The following ESR2 variants were observed in gnomAD, a reference collection of about 807,000 sequenced individuals.
The protein encoded by ESR2 is estrogen receptor beta.
Under a neutral mutation model 49.6 loss-of-function variants are expected in ESR2, and 36 were observed. The ratio of observed to expected loss-of-function variants is 0.73; its 90% CI spans 0.56 to 0.96. The LOEUF (loss-of-function observed/expected upper bound fraction) is 0.96. Ranked by LOEUF, ESR2 falls within the 40% of genes least tolerant of loss-of-function variation. The probability of loss-of-function intolerance (pLI) is 0.00; values close to 1 mark genes in which losing one functional copy is unlikely to be tolerated. For missense variants in ESR2, 714 were observed against 693.0 expected (o/e 1.03, Z -0.34); for synonymous variants, 320 against 266.1 (o/e 1.20, Z -1.97).
chr14:64,230,865 T>TTATATATATATA lies in ESR2; in HGVS notation c.*2260_*2271dup, dbSNP rs10589699. ...AAGATCTACTCTCAAAAAAAAAAAATTATATATATATATATATATATATTT... is the reference window on the plus strand; with the variant it reads ...AAGATCTACTCTCAAAAAAAAAAAATTATATATATATATATATATATATATATATATATATTT... On this transcript the variant is annotated 3_prime_UTR_variant, in exon 9 of 9. Transcript: ENST00000341099. 3.3e-3 allele frequency: 416 copies of TTATATATATATA among 125,596 alleles called. 5 individuals carry two copies. Among genetic ancestry groups the TTATATATATATA allele is most frequent in the African/African-American group, 0.012 (396 of 31,738 alleles). 7.8% of individuals were successfully genotyped at this position (125,596 alleles called of 1,614,324 possible).
chr14:64,256,424 A>C (rs889252869), intron 6 of ESR2, among the ~76,000 whole-genome samples: 1 of 152,218 alleles, frequency 6.6e-6, no homozygotes, highest in Admixed American at 6.5e-5. Flanking sequence ...TATATAGTAC[A>C]TGCATTAGAA....
At chr14:64,252,178 T>C (rs964182946) in intron 6 of ESR2, among the ~76,000 whole-genome samples, 1 of 151,968 alleles carries the variant, frequency 6.6e-6, no homozygotes, top group African/African-American at 2.4e-5. Context: ...CCAGGCATGG[T>C]AGCATACACC....
chr14:64,233,053 AAG>A lies in ESR2; in HGVS notation c.*82_*83del. The A allele has an allele frequency of 3.3e-6, 5 of 1,533,978 alleles. No homozygotes were observed. Among genetic ancestry groups the A allele is most frequent in the Non-Finnish European group, 4.4e-6 (5 of 1,138,242 alleles). ...ACCAAATGAGGGACCACACAGCAGA[AAG>A]ATGAAGCCCAGGCTCCTGACACACT... On this transcript the variant is annotated 3_prime_UTR_variant, in exon 9 of 9. Transcript: ENST00000341099.
Position 64,228,861 on chromosome 14 carries a change from C to A in ESR2, c.*4276G>T, listed in dbSNP as rs2098724726. ...CAACAAAAATGGCACTACGATCATA[C>A]ATCACAGACAATGCACATCTTAAGA... is the stretch of plus-strand genomic sequence containing the variant. On this transcript the variant is annotated 3_prime_UTR_variant, in exon 9 of 9. Coordinates refer to ENST00000341099, the MANE Select transcript of ESR2 (RefSeq NM_001437.3). Among the ~76,000 whole-genome samples, 1 of 152,190 alleles carries A rather than the reference C, an allele frequency of 6.6e-6. No individual in the cohort carries two copies. The highest frequency in any genetic ancestry group is 1.5e-5 in the Non-Finnish European group (1 of 68,026).
upstream of ESR2, among the ~76,000 whole-genome samples, chr14:64,296,359 TAAC>T (rs1234284817): frequency 1.3e-5 from 2 of 152,214 alleles, no homozygotes; most frequent in South Asian, 2.1e-4. Flanking sequence ...AGGAACCCAG[TAAC>T]AACAGTGGCT....
intron 1 of ESR2, chr14:64,335,726 T>A (rs1177910891): frequency 6.6e-6 from 1 of 152,086 alleles, no homozygotes. Context: ...ATATCTTCCC[T>A]TTAACAACTG....
chr14:64,309,441 A>C (rs942072942), intron 1 of ESR2, among the ~76,000 whole-genome samples: 14 of 150,244 alleles, frequency 9.3e-5, no homozygotes, highest in Admixed American at 9.3e-4. Context: ...GTGAAACCCT[A>C]TCTCTACTAA....
At chr14:64,260,148 G>A (rs1168378105) in intron 5 of ESR2, 2 of 616,462 alleles carry the variant, frequency 3.2e-6, no homozygotes, top group Admixed American at 3.9e-5. Flanking sequence ...CTAGCCATGG[G>A]AAAAGAAGGC....
chr14:64,326,362 G>T (rs2077390091), intron 1 of ESR2, among the ~76,000 whole-genome samples: 1 of 152,078 alleles, frequency 6.6e-6, no homozygotes, highest in South Asian at 2.1e-4. Flanking sequence ...GGTCACAGTA[G>T]ATGATCGATC....
In ESR2 at chr14:64,260,745, G is replaced by T; in HGVS notation, c.656C>A (p.Ser219Tyr). The change falls in exon 5 of 9, where the codon TCC becomes TAC. Residue 219 changes from serine to tyrosine, a missense_variant. Ser to Tyr is a moderately radical substitution (Grantham distance 144). Transcript: ENST00000341099. ...GCGGTACCCACATCTCTCTCTCCGG[G>T]AGCCTGAAGAGGAAAGCAGAGTCAT... ...CYEVGMVKCGSRRERCGYRLV... is the reference protein window; with the variant it reads ...CYEVGMVKCGYRRERCGYRLV... 6.8e-7 allele frequency: 1 copy of T among 1,476,530 alleles called. No homozygotes were observed. The allele number at this position is 1,476,530 out of a possible 1,614,324, so 91.5% of individuals were successfully genotyped here.
rs534061515 is a variant in ESR2 at position 64,305,537 on chromosome 14, A to G, written c.-90-22462T>C. On this transcript the variant is annotated intron_variant, in intron 1 of 8. Transcript: ENST00000358599. Reference sequence around the variant, plus strand: ...TACAAAAAAATTAGGCGGGCGTGGTAGCGGACACCTGTAGTCTCAGCTACT... The same window carrying G: ...TACAAAAAAATTAGGCGGGCGTGGTGGCGGACACCTGTAGTCTCAGCTACT... Among the ~76,000 whole-genome samples the G allele has an allele frequency of 3.9e-4, 59 of 149,786 alleles. No individual in the cohort carries two copies. The South Asian group carries it at 0.01, about 25-fold the overall frequency.
At chr14:64,234,537 CTT>C (rs1203678989) in intron 8 of ESR2, 2 of 205,026 alleles carry the variant, frequency 9.8e-6, no homozygotes, top group Non-Finnish European at 2.0e-5. Context: ...AAGAACAACT[CTT>C]AGGGAAGCAT....
chr14:64,239,978 T>C (rs969605225), intron 7 of ESR2, among the ~76,000 whole-genome samples: 6 of 152,370 alleles, frequency 3.9e-5, no homozygotes, highest in South Asian at 2.1e-4. Flanking sequence ...TATATCTAAA[T>C]CATTTTGACA....
intron 7 of ESR2, among the ~76,000 whole-genome samples, chr14:64,240,406 G>A (rs941402386): frequency 2.6e-5 from 4 of 152,176 alleles, no homozygotes; most frequent in African/African-American, 9.6e-5. Flanking sequence ...CTCCTCTCCT[G>A]ACCCTTATCC....
chr14:64,266,096 T>C (rs547408965), intron 4 of ESR2, among the ~76,000 whole-genome samples: 1 of 152,362 alleles, frequency 6.6e-6, no homozygotes, highest in African/African-American at 2.4e-5. Flanking sequence ...TCTTAGACTT[T>C]CTGGCTAAAT....
At position 64,280,147 on chromosome 14, in the gene ESR2, T is replaced by C; in HGVS notation, c.369A>G (p.Thr123=). 1 of 1,613,640 alleles carries C rather than the reference T, an allele frequency of 6.2e-7. No individual in the cohort carries two copies. Among genetic ancestry groups the C allele is most frequent in the Non-Finnish European group, 8.5e-7 (1 of 1,179,666 alleles). Residue 123 remains threonine, a synonymous_variant, in exon 3 of 9, where the codon ACA becomes ACG. Transcript: ENST00000341099. ...LEHTLPVNRE[T]LKRKVSGNRC... is the part of the protein sequence containing the mutation. ...GGTTCCCACTAACCTTCCTTTTCAG[T>C]GTCTCTCTAGGGAGCAAAGAAAATA...
At chr14:64,278,034 C>T (rs998171628) in intron 3 of ESR2, among the ~76,000 whole-genome samples, 2 of 151,548 alleles carry the variant, frequency 1.3e-5, no homozygotes, top group African/African-American at 4.8e-5. Context: ...TAGGTCCAAA[C>T]GTTCTTAAGG....
intron 1 of ESR2, among the ~76,000 whole-genome samples, chr14:64,292,483 A>G (rs1377871777): frequency 6.6e-6 from 1 of 152,150 alleles, no homozygotes. Flanking sequence ...CTGTAGCCTA[A>G]TTTTTTTAAA....
At chr14:64,290,041 GA>G (rs956320534) in intron 1 of ESR2, among the ~76,000 whole-genome samples, 7 of 152,130 alleles carry the variant, frequency 4.6e-5, no homozygotes, top group Admixed American at 2.0e-4. Flanking sequence ...AAGCATCCTT[GA>G]TGTGCATAAG....
Sources: allele counts gnomAD v4.1 joint callset (sites outside exome capture counted in the v4.1 genomes callset), GRCh38; gene constraint gnomAD v4.1.1; transcripts MANE v1.5; gene names NCBI Gene and HGNC (gene_info 2026-07-23, HGNC 2026-07-21).